Variants in PCDHGB6 observed in about 807,000 individuals in gnomAD.
PCDHGB6 encodes protocadherin gamma-B6.
In PCDHGB6, 51 loss-of-function variants were observed where a neutral mutation model predicts 59.1. That is an observed-to-expected ratio of 0.86 (90% CI 0.69 to 1.09). PCDHGB6 has a LOEUF of 1.09. Ranked by LOEUF, PCDHGB6 falls within the 50% of genes least tolerant of loss-of-function variation. The pLI, the probability that PCDHGB6 is intolerant of heterozygous loss-of-function variation, is 0.00. For missense variants in PCDHGB6, 1,148 were observed against 1,205.1 expected, an observed-to-expected ratio of 0.95 and a Z score of 0.70; for synonymous variants, 466 against 495.1, an observed-to-expected ratio of 0.94 and a Z score of 0.78.
chr5:141,411,028 T>C (rs2095458130), intron 1 of PCDHGB6: 1 of 163,058 alleles, frequency 6.1e-6, no homozygotes, highest in Admixed American at 6.2e-5. Flanking sequence ...TTTTTTGTAT[T>C]TTTAGTAGAC....
intron 1 of PCDHGB6, among the ~76,000 whole-genome samples, chr5:141,472,192 C>A (rs2099274015): frequency 1.3e-5 from 2 of 152,134 alleles, no homozygotes; most frequent in South Asian, 2.1e-4. Context: ...GAATTTGAAT[C>A]TTTTTGACAC....
intron 1 of PCDHGB6, chr5:141,442,535 A>C (rs2098331560): frequency 6.6e-6 from 1 of 152,240 alleles, no homozygotes; most frequent in Non-Finnish European, 1.5e-5. Flanking sequence ...CTCCAAGGTG[A>C]AAAATTCTTG....
At chr5:141,411,556 C>A (rs2095498108) in intron 1 of PCDHGB6, 1 of 152,200 alleles carries the variant, frequency 6.6e-6, no homozygotes, top group Non-Finnish European at 1.5e-5. Context: ...TGCACTCCAG[C>A]CTGGGCGACA....
At position 141,477,023 on chromosome 5, in the gene PCDHGB6, A is replaced by T. The variant is rs763926460; in HGVS notation, c.2419-17784A>T. ...ATTCGCCTTAGACCTTGTAACCGGG[A>T]TGCTGACAATCAAGGGTCGGCTGGA... is the stretch of plus-strand genomic sequence containing the variant. On this transcript the variant is annotated intron_variant, in intron 1 of 3. Transcript: ENST00000520790. The surrounding 1 kb of genome is among the most constrained non-coding windows in gnomAD (Gnocchi z 4.9). 6.2e-7 allele frequency: 1 copy of T among 1,614,240 alleles called. No homozygotes were observed. The highest frequency in any genetic ancestry group is 8.5e-7 in the Non-Finnish European group (1 of 1,180,040).
intron 1 of PCDHGB6, among the ~76,000 whole-genome samples, chr5:141,438,370 A>G (rs2097956460): frequency 1.3e-5 from 2 of 152,004 alleles, no homozygotes; most frequent in South Asian, 4.2e-4. Context: ...CATTGAGGGC[A>G]GATATAATTT....
intron 1 of PCDHGB6, among the ~76,000 whole-genome samples, chr5:141,449,177 G>T (rs2098631167): frequency 6.6e-6 from 1 of 152,028 alleles, no homozygotes. Flanking sequence ...AATTTTCTTA[G>T]GTATTTTCAC....
At chr5:141,433,124 G>T in intron 1 of PCDHGB6, 5 of 1,614,136 alleles carry the variant, frequency 3.1e-6, no homozygotes, top group Non-Finnish European at 4.2e-6. Context: ...TGAAAAAAGC[G>T]AGCCCCTTTT....
chr5:141,431,016 C>A lies in PCDHGB6; in HGVS notation c.2418+20396C>A, dbSNP rs755015257. 4 of 1,613,456 alleles carry A rather than the reference C, an allele frequency of 2.5e-6. No individual in the cohort carries two copies. Among genetic ancestry groups the A allele is most frequent in the East Asian group, 2.2e-5 (1 of 44,860 alleles). ...AATCCGCGCAGCGGCAGCTTGGTCA[C>A]GGCGGGCAGGATAGACCGGGAGGAG... is the stretch of plus-strand genomic sequence containing the variant. On this transcript the variant is annotated intron_variant, in intron 1 of 3. Coordinates refer to ENST00000520790, the MANE Select transcript of PCDHGB6 (RefSeq NM_018926.3). The surrounding 1 kb of genome is among the most constrained non-coding windows in gnomAD (Gnocchi z 4.8).
At chr5:141,421,878 T>C (rs1364225081) in intron 1 of PCDHGB6, 1 of 1,613,612 alleles carries the variant, frequency 6.2e-7, no homozygotes, top group African/African-American at 1.3e-5. Context: ...CAGCTTTAGA[T>C]GGAGGCGATC....
chr5:141,410,561 G>A lies in PCDHGB6; in HGVS notation c.2359G>A (p.Ala787Thr), dbSNP rs201832666. 1 of 1,612,698 alleles carries A rather than the reference G, an allele frequency of 6.2e-7. No individual in the cohort carries two copies. The highest frequency in any genetic ancestry group is 8.5e-7 in the Non-Finnish European group (1 of 1,179,884). ...EDMVCSVSPG[A>T]LIPPHGGEDL... ...CATGGTTTGCAGTGTTTCTCCTGGA[G>A]CCTTAATTCCACCTCATGGTGGGGA... The change falls in exon 1 of 4, where the codon GCC becomes ACC. Residue 787 changes from alanine (A) to threonine (T), a missense_variant. Ala to Thr is a moderately conservative substitution (Grantham distance 58). Around this residue, in one of 5 missense-constraint regions of PCDHGB6, gnomAD observed 283 missense variants for 318.6 expected, o/e 0.89. Coordinates refer to ENST00000520790, the MANE Select transcript of PCDHGB6 (RefSeq NM_018926.3).
At chr5:141,420,064 C>T (rs1204112062) in intron 1 of PCDHGB6, 1 of 1,614,052 alleles carries the variant, frequency 6.2e-7, no homozygotes, top group Non-Finnish European at 8.5e-7. Context: ...GCTCCAAGTC[C>T]GGACCTGTGG....
intron 1 of PCDHGB6, among the ~76,000 whole-genome samples, chr5:141,437,723 G>A (rs2097904411): frequency 6.6e-6 from 1 of 150,736 alleles, no homozygotes; most frequent in South Asian, 2.1e-4. Context: ...ACCCTCTAAT[G>A]TTACACTTTG....
chr5:141,476,309 A>G lies in PCDHGB6; in HGVS notation c.2419-18498A>G. ...GGATCTCGGTAGCCTCTCAGCCCGC[A>G]GGTTCCGGGTGGTGTCTGGAGCTAG... On this transcript the variant is annotated intron_variant, in intron 1 of 3. Transcript: ENST00000520790. The surrounding 1 kb of genome is among the most constrained non-coding windows in gnomAD (Gnocchi z 7.6). The G allele has an allele frequency of 6.2e-7, 1 of 1,613,966 alleles. No homozygotes were observed. Among genetic ancestry groups the G allele is most frequent in the Non-Finnish European group, 8.5e-7 (1 of 1,179,988 alleles).
intron 1 of PCDHGB6, chr5:141,418,921 T>A (rs897705216): frequency 1.9e-6 from 3 of 1,613,928 alleles, no homozygotes; most frequent in Admixed American, 3.3e-5. Context: ...CACTCTCTGA[T>A]CAGATTATGG....
At chr5:141,447,988 A>C (rs1234413003) in intron 1 of PCDHGB6, among the ~76,000 whole-genome samples, 1 of 152,018 alleles carries the variant, frequency 6.6e-6, no homozygotes, top group Non-Finnish European at 1.5e-5. Flanking sequence ...CGGGAGGCTG[A>C]GGCATGAGAA....
At chr5:141,412,934 G>A (rs1232539262) in intron 1 of PCDHGB6, 1 of 453,932 alleles carries the variant, frequency 2.2e-6, no homozygotes, top group African/African-American at 2.0e-5. Context: ...TAACTTCTTA[G>A]GACTCTGAGC....
At chr5:141,472,113 A>C (rs1296591849) in intron 1 of PCDHGB6, among the ~76,000 whole-genome samples, 1 of 152,260 alleles carries the variant, frequency 6.6e-6, no homozygotes, top group Non-Finnish European at 1.5e-5. Context: ...ATACATAAAG[A>C]AAATAAAAGA....
At chr5:141,478,708 A>G (rs1394463788) in intron 1 of PCDHGB6, 31 of 1,548,072 alleles carry the variant, frequency 2.0e-5, no homozygotes, top group Non-Finnish European at 2.5e-5. Context: ...TGCCTTTGTG[A>G]GATGGTGGCC....
chr5:141,476,754 T>G lies in PCDHGB6; in HGVS notation c.2419-18053T>G. 1 of 1,613,926 alleles carries G rather than the reference T, an allele frequency of 6.2e-7. No individual in the cohort carries two copies. The highest frequency in any genetic ancestry group is 1.1e-5 in the South Asian group (1 of 91,084). On this transcript the variant is annotated intron_variant, in intron 1 of 3. Coordinates refer to ENST00000520790, the MANE Select transcript of PCDHGB6 (RefSeq NM_018926.3). The surrounding 1 kb of genome is among the most constrained non-coding windows in gnomAD (Gnocchi z 7.6). Reference sequence around the variant, plus strand: ...GAACGGGAGCCTAGTCTCCAGTTAGTGCTGACGGCGTTGGACGGAGGGACC... The same window carrying G: ...GAACGGGAGCCTAGTCTCCAGTTAGGGCTGACGGCGTTGGACGGAGGGACC...
Sources: allele counts gnomAD v4.1 joint callset (sites outside exome capture counted in the v4.1 genomes callset), GRCh38; gene constraint gnomAD v4.1.1; regional missense constraint gnomAD v4.1.1; non-coding constraint Gnocchi (gnomAD v3.1); transcripts MANE v1.5; gene names NCBI Gene and HGNC (gene_info 2026-07-23, HGNC 2026-07-21).